The following CREB5 variants were observed in gnomAD, a reference collection of about 807,000 sequenced individuals.
The protein encoded by CREB5 is cAMP responsive element binding protein 5.
A neutral mutation model predicts 57.1 loss-of-function variants in CREB5; 19 were observed. The ratio of observed to expected loss-of-function variants is 0.33; its 90% CI spans 0.23 to 0.49. The LOEUF (loss-of-function observed/expected upper bound fraction) is 0.49. Among genes scored for constraint, CREB5 ranks in the 20% least tolerant of loss-of-function variants. The pLI, the probability that CREB5 is intolerant of heterozygous loss-of-function variation, is 0.99. For synonymous variants in CREB5, 238 were observed against 238.3 expected (o/e 1.00, Z 0.01); for missense variants, 579 against 671.6 (o/e 0.86, Z 1.52).
At chr7:28,351,197 G>A (rs1165773642) in intron 1 of CREB5, among the ~76,000 whole-genome samples, 1 of 152,154 alleles carries the variant, frequency 6.6e-6, no homozygotes, top group Admixed American at 6.5e-5. Flanking sequence ...TTTCAATTTT[G>A]GGGAGTAATA....
intron 4 of CREB5, among the ~76,000 whole-genome samples, chr7:28,520,708 T>C (rs1793169883): frequency 6.6e-6 from 1 of 152,362 alleles, no homozygotes; most frequent in African/African-American, 2.4e-5. Context: ...TGGCAGTCTC[T>C]TCAGAGCACA....
chr7:28,478,406 A>C (rs1435315731), intron 1 of CREB5, among the ~76,000 whole-genome samples: 2 of 151,696 alleles, frequency 1.3e-5, no homozygotes, highest in Non-Finnish European at 2.9e-5. Flanking sequence ...CCAAAAGAAA[A>C]AAATATGTAT....
At chr7:28,343,089 C>T (rs149226409) in intron 1 of CREB5, among the ~76,000 whole-genome samples, 24,162 of 151,958 alleles carry the variant, frequency 0.16, 2,046 homozygotes, top group Middle Eastern at 0.18. Flanking sequence ...TACAGGTACC[C>T]GCCACCACGC....
intron 5 of CREB5, among the ~76,000 whole-genome samples, chr7:28,624,446 C>T (rs149240807): frequency 2.4e-4 from 37 of 152,152 alleles, no homozygotes; most frequent in African/African-American, 7.5e-4. Context: ...AGTAATAATG[C>T]GTGTGGAAAT....
At chr7:28,496,521 G>T (rs1792058098) in intron 3 of CREB5, among the ~76,000 whole-genome samples, 1 of 152,158 alleles carries the variant, frequency 6.6e-6, no homozygotes, top group African/African-American at 2.4e-5. Context: ...AGGTGATGGA[G>T]CTTCTGTCCC....
At chr7:28,366,623 C>G (rs373733461) in intron 1 of CREB5, among the ~76,000 whole-genome samples, 3 of 152,142 alleles carry the variant, frequency 2.0e-5, no homozygotes, top group Non-Finnish European at 4.4e-5. Flanking sequence ...AGTAATTTAT[C>G]ACAAAAAAAG....
intron 4 of CREB5, among the ~76,000 whole-genome samples, chr7:28,565,974 A>C (rs529870508): frequency 3.3e-5 from 5 of 152,322 alleles, no homozygotes; most frequent in Non-Finnish European, 7.4e-5. Flanking sequence ...ACTATGTCTA[A>C]TCTTGCAAAT....
intron 5 of CREB5, among the ~76,000 whole-genome samples, chr7:28,699,989 A>G (rs1411716020): frequency 3.3e-5 from 5 of 152,218 alleles, no homozygotes; most frequent in Non-Finnish European, 7.3e-5. Flanking sequence ...TTATATGTAT[A>G]TAGTTCCCAA....
intron 5 of CREB5, among the ~76,000 whole-genome samples, chr7:28,659,838 A>G (rs890689024): frequency 5.9e-5 from 9 of 152,168 alleles, no homozygotes; most frequent in Admixed American, 2.0e-4. Flanking sequence ...AATAAGAAAT[A>G]TATATATTAA....
intron 1 of CREB5, among the ~76,000 whole-genome samples, chr7:28,319,385 C>A (rs1355058173): frequency 2.0e-5 from 3 of 152,154 alleles, no homozygotes; most frequent in Admixed American, 6.5e-5. Context: ...TTTTACCCCT[C>A]AATGTTGGCA....
At chr7:28,515,927 C>A (rs1227063789) in intron 4 of CREB5, among the ~76,000 whole-genome samples, 1 of 148,688 alleles carries the variant, frequency 6.7e-6, no homozygotes, top group Non-Finnish European at 1.5e-5. Flanking sequence ...TATATATGAC[C>A]AGGTGTGGTG....
intron 8 of CREB5, among the ~76,000 whole-genome samples, chr7:28,806,940 T>C (rs1202647217): frequency 6.6e-6 from 1 of 152,180 alleles, no homozygotes; most frequent in Admixed American, 6.5e-5. Context: ...GGCAAAAATA[T>C]CCGAGCAGTT....
At chr7:28,582,440 C>A (rs2128657725) in intron 5 of CREB5, among the ~76,000 whole-genome samples, 1 of 152,236 alleles carries the variant, frequency 6.6e-6, no homozygotes, top group Middle Eastern at 3.4e-3. Context: ...CCATTGTTAA[C>A]TTTTACGTCA....
intron 1 of CREB5, among the ~76,000 whole-genome samples, chr7:28,341,554 T>C (rs1785937325): frequency 6.6e-6 from 1 of 152,224 alleles, no homozygotes; most frequent in Non-Finnish European, 1.5e-5. Flanking sequence ...ATCCATATAC[T>C]ACCTCCAACT....
chr7:28,527,410 CA>C (rs1302379272), intron 4 of CREB5, among the ~76,000 whole-genome samples: 6 of 152,186 alleles, frequency 3.9e-5, no homozygotes, highest in African/African-American at 1.4e-4. Flanking sequence ...GCTACAAATA[CA>C]AATTCTGAAG....
chr7:28,786,586 G>T (rs1807342737), intron 7 of CREB5, among the ~76,000 whole-genome samples: 1 of 152,072 alleles, frequency 6.6e-6, no homozygotes, highest in Admixed American at 6.6e-5. Flanking sequence ...ATATTTCCAG[G>T]CCCCTCTCTT....
intron 4 of CREB5, among the ~76,000 whole-genome samples, chr7:28,554,877 G>C (rs770623438): frequency 3.3e-5 from 5 of 152,258 alleles, no homozygotes; most frequent in Non-Finnish European, 5.9e-5. Context: ...GACTTGGGGA[G>C]AGCTTGAATA....
chr7:28,754,165 A>T (rs1442215174), intron 7 of CREB5, among the ~76,000 whole-genome samples: 2 of 152,118 alleles, frequency 1.3e-5, no homozygotes, highest in Admixed American at 6.5e-5. Flanking sequence ...TCACTGCAGA[A>T]GGGAGAGTGA....
Position 28,718,814 on chromosome 7 carries a change from C to A in CREB5, c.526C>A (p.Pro176Thr). The A allele has an allele frequency of 2.5e-6, 4 of 1,614,152 alleles. No individual in the cohort carries two copies. Among genetic ancestry groups the A allele is most frequent in the Non-Finnish European group, 3.4e-6 (4 of 1,179,976 alleles). ...HLHNRQRQPM[P>T]ASMPGTLPNP... ...CCACAACAGACAGAGACAGCCCATG[C>A]CAGCCTCCATGCCTGGGACCCTGCC... The change falls in exon 6 of 11, where the codon CCA becomes ACA. Residue 176 changes from proline to threonine, a missense_variant. By Grantham distance (38) the Pro-to-Thr change is conservative. Coordinates refer to ENST00000357727, the MANE Select transcript of CREB5 (RefSeq NM_182898.4).
Sources: allele counts gnomAD v4.1 joint callset (sites outside exome capture counted in the v4.1 genomes callset), GRCh38; gene constraint gnomAD v4.1.1; transcripts MANE v1.5; gene names NCBI Gene and HGNC (gene_info 2026-07-23, HGNC 2026-07-21).